Variants in SLC35D4 observed in about 807,000 individuals in gnomAD.
SLC35D4 encodes the protein solute carrier family 35 member D4.
At chr18:23,314,301 T>C in the SLC35D4 span, among the ~76,000 whole-genome samples, 2 of 152,212 alleles carry the variant, frequency 1.3e-5, no homozygotes, top group African/African-American at 4.8e-5. Context: ...AATCAGTGGA[T>C]TGGTCTCCTG....
the SLC35D4 span, among the ~76,000 whole-genome samples, chr18:23,332,454 C>T: frequency 6.6e-6 from 1 of 152,112 alleles, no homozygotes; most frequent in African/African-American, 2.4e-5. Flanking sequence ...ACTTCTAAAG[C>T]ATAAATATCA....
the SLC35D4 span, among the ~76,000 whole-genome samples, chr18:23,329,497 T>C: frequency 3.9e-5 from 6 of 152,152 alleles, no homozygotes; most frequent in Non-Finnish European, 7.4e-5. Flanking sequence ...AAATCAAAAC[T>C]ACAATGAGAT....
chr18:23,288,559 C>G, the SLC35D4 span, among the ~76,000 whole-genome samples: 5 of 151,738 alleles, frequency 3.3e-5, no homozygotes, highest in Admixed American at 2.0e-4. Flanking sequence ...TTTGCCCCCC[C>G]GCCCCAGGAC....
the SLC35D4 span, among the ~76,000 whole-genome samples, chr18:23,389,873 C>T: frequency 1.3e-5 from 2 of 152,108 alleles, no homozygotes; most frequent in African/African-American, 4.8e-5. Flanking sequence ...CTTTCCCTGG[C>T]CTCTAACTCT....
the SLC35D4 span, among the ~76,000 whole-genome samples, chr18:23,277,135 G>A: frequency 1.3e-5 from 2 of 152,180 alleles, no homozygotes; most frequent in Admixed American, 1.3e-4. Flanking sequence ...GTCTAGGATG[G>A]TAATACAGTT....
chr18:23,278,153 C>T, the SLC35D4 span, among the ~76,000 whole-genome samples: 1 of 152,126 alleles, frequency 6.6e-6, no homozygotes, highest in Non-Finnish European at 1.5e-5. Context: ...CTTGGGAAGA[C>T]CCTCTTCCAC....
At chr18:23,358,741 A>G in the SLC35D4 span, among the ~76,000 whole-genome samples, 1 of 152,068 alleles carries the variant, frequency 6.6e-6, no homozygotes, top group African/African-American at 2.4e-5. Context: ...CTACCAAACC[A>G]AGAGTATTGG....
the SLC35D4 span, chr18:23,421,519 G>C: frequency 7.5e-7 from 1 of 1,330,548 alleles, no homozygotes; most frequent in South Asian, 1.2e-5. Flanking sequence ...CAGCAGATCT[G>C]CTGACTGACA....
the SLC35D4 span, among the ~76,000 whole-genome samples, chr18:23,318,408 T>G: frequency 6.6e-6 from 1 of 152,230 alleles, no homozygotes; most frequent in Non-Finnish European, 1.5e-5. Context: ...AGCTCAACAG[T>G]TTTTAATTTT....
the SLC35D4 span, among the ~76,000 whole-genome samples, chr18:23,285,592 G>A: frequency 3.3e-5 from 5 of 152,070 alleles, no homozygotes; most frequent in African/African-American, 9.7e-5. Flanking sequence ...TGTTCCCAAT[G>A]CAACTTGTCC....
the SLC35D4 span, among the ~76,000 whole-genome samples, chr18:23,264,802 G>A: frequency 1.4e-4 from 21 of 152,052 alleles, no homozygotes; most frequent in East Asian, 3.9e-4. Flanking sequence ...ATCACGCCAC[G>A]CCCAGCTGAT....
the SLC35D4 span, among the ~76,000 whole-genome samples, chr18:23,248,243 T>TTATGGGGATCAGAAGCTCTTTC: frequency 6.6e-6 from 1 of 152,104 alleles, no homozygotes; most frequent in African/African-American, 2.4e-5. Context: ...GTCAGTGCCT[T>TTATGGGGATCAGAAGCTCTTTC]TATGGGGATC....
chr18:23,428,331 T>G, the SLC35D4 span, among the ~76,000 whole-genome samples: 3 of 152,204 alleles, frequency 2.0e-5, no homozygotes, highest in African/African-American at 7.2e-5. Flanking sequence ...TCTAAAAAAT[T>G]ATACGACAAA....
chr18:23,264,353 C>CTTTTTTTTTT, the SLC35D4 span, among the ~76,000 whole-genome samples: 1 of 56,064 alleles, frequency 1.8e-5, no homozygotes, highest in African/African-American at 5.4e-5. Context: ...CACTTTATTC[C>CTTTTTTTTTT]TTTTTTTTTT....
chr18:23,337,639 T>C, the SLC35D4 span, among the ~76,000 whole-genome samples: 2 of 152,216 alleles, frequency 1.3e-5, no homozygotes, highest in African/African-American at 4.8e-5. Flanking sequence ...CTTAATAACA[T>C]CTGTTGATAA....
chr18:23,346,569 C>T, the SLC35D4 span, among the ~76,000 whole-genome samples: 1 of 151,726 alleles, frequency 6.6e-6, no homozygotes, highest in Non-Finnish European at 1.5e-5. Context: ...AACTCCATTC[C>T]AATGTTCAAT....
the SLC35D4 span, among the ~76,000 whole-genome samples, chr18:23,367,081 G>A: frequency 2.6e-5 from 4 of 152,088 alleles, no homozygotes; most frequent in Non-Finnish European, 5.9e-5. Context: ...CTCATGGCAG[G>A]ATATGAGGGG....
the SLC35D4 span, among the ~76,000 whole-genome samples, chr18:23,320,552 T>C: frequency 2.6e-5 from 4 of 152,236 alleles, no homozygotes; most frequent in African/African-American, 9.6e-5. Context: ...TTTGATGACA[T>C]GCTGGACATA....
At chr18:23,364,234 C>T in the SLC35D4 span, among the ~76,000 whole-genome samples, 9 of 152,156 alleles carry the variant, frequency 5.9e-5, no homozygotes, top group East Asian at 1.9e-4. Flanking sequence ...TTTCTAGATG[C>T]GAAAACTGAG....
Sources: allele counts gnomAD v4.1 joint callset (sites outside exome capture counted in the v4.1 genomes callset), GRCh38; gene constraint gnomAD v4.1.1; transcripts MANE v1.5; gene names NCBI Gene and HGNC (gene_info 2026-07-23, HGNC 2026-07-21).